Variants in TBC1D2B observed in about 807,000 individuals in gnomAD.
TBC1D2B encodes the protein TBC1 domain family member 2B.
TBC1D2B carries 64 observed loss-of-function variants against 100.8 expected under a neutral mutation model. The observed-to-expected ratio is 0.64, with a 90% CI of 0.52 to 0.78. The LOEUF is 0.78. Ranked by LOEUF, TBC1D2B falls within the 30% of genes least tolerant of loss-of-function variation. The probability of loss-of-function intolerance (pLI) is 0.00; values close to 1 mark genes in which losing one functional copy is unlikely to be tolerated. For missense variants in TBC1D2B, 1,052 were observed against 1,218.4 expected (o/e 0.86, Z 2.03); for synonymous variants, 480 against 479.7 (o/e 1.00, Z -0.01).
At chr15:78,064,374 G>A (rs1430579441) in intron 1 of TBC1D2B, among the ~76,000 whole-genome samples, 3 of 152,114 alleles carry the variant, frequency 2.0e-5, no homozygotes, top group African/African-American at 7.2e-5. Context: ...CAACAATCAC[G>A]AAGGAGCCAC....
chr15:78,068,383 CCACA>C (rs35403620), intron 1 of TBC1D2B, among the ~76,000 whole-genome samples: 6,444 of 143,058 alleles, frequency 0.045, 187 homozygotes, highest in East Asian at 0.18. Flanking sequence ...CACACCACAC[CCACA>C]CACACACACA....
Position 78,073,699 on chromosome 15 carries a change from C to T in TBC1D2B, c.360+3594G>A, listed in dbSNP as rs544571843. The stretch of plus-strand genomic sequence containing the variant: ...CTTAAAACACACGCCTGGCTGGGTG[C>T]GGTGGCTCATATCTGTAACCCCAGC... On this transcript the variant is annotated intron_variant, in intron 1 of 12. Transcript: ENST00000300584. 5.1e-4 allele frequency among the ~76,000 whole-genome samples: 77 copies of T among 152,256 alleles called. 1 individual carries two copies. The highest frequency in any genetic ancestry group is 3.7e-3 in the South Asian group (18 of 4,826).
In TBC1D2B at chr15:77,997,488, G is replaced by C. The variant is rs1034908925; in HGVS notation, c.*672C>G. On this transcript the variant is annotated 3_prime_UTR_variant, in exon 13 of 13. Transcript: ENST00000300584. ...CATGAGAAGTGAGGGTGGGTGTCTG[G>C]GCAGCCAGGCCCTCCCCATGCAGGC... is the stretch of plus-strand genomic sequence containing the variant. The C allele has an allele frequency of 3.8e-4, 58 of 152,430 alleles. No homozygotes were observed. Among genetic ancestry groups the C allele is most frequent in the African/African-American group, 1.3e-3 (55 of 41,590 alleles). 9.4% of individuals were successfully genotyped at this position (152,430 alleles called of 1,614,324 possible).
At chr15:78,044,879 T>C (rs762414727) in intron 3 of TBC1D2B, 21 bp downstream of exon 3, 1 of 1,574,942 alleles carries the variant, frequency 6.3e-7, no homozygotes, top group Non-Finnish European at 8.6e-7. Context: ...CAATTTCATA[T>C]GCTGCTTTCT....
chr15:78,024,992 G>C (rs889144375), intron 5 of TBC1D2B, among the ~76,000 whole-genome samples: 1 of 152,200 alleles, frequency 6.6e-6, no homozygotes, highest in African/African-American at 2.4e-5. Flanking sequence ...GGGCAGGACT[G>C]GGCTGTGGTG....
chr15:78,032,097 A>G lies in TBC1D2B; in HGVS notation c.684-1927T>C, dbSNP rs146967588. 3.0e-3 allele frequency among the ~76,000 whole-genome samples: 460 copies of G among 152,366 alleles called. 2 individuals are homozygous for G. The highest frequency in any genetic ancestry group is 0.011 in the African/African-American group (442 of 41,588). On this transcript the variant is annotated intron_variant, in intron 3 of 12. Transcript: ENST00000300584. ...TCTTAGATGGTATCCCCAAGTCTTC[A>G]ACCGAGTACTGATTGTGGCTTCGAT... is the stretch of plus-strand genomic sequence containing the variant.
In TBC1D2B at chr15:78,034,157, G is replaced by A. The variant is rs139317375; in HGVS notation, c.684-3987C>T. Among the ~76,000 whole-genome samples the A allele has an allele frequency of 7.5e-3, 1,142 of 152,302 alleles. 13 individuals carry two copies. The highest frequency in any genetic ancestry group is 0.012 in the Non-Finnish European group (793 of 68,026). On this transcript the variant is annotated intron_variant, in intron 3 of 12. Coordinates refer to ENST00000300584, the MANE Select transcript of TBC1D2B (RefSeq NM_144572.2). The stretch of plus-strand genomic sequence containing the variant: ...ATCTTCACAGACAACTGCATAGAAG[G>A]ATTCTAGTCAATTCCCCATGGTAAC...
chr15:78,021,930 C>T (rs574474170), intron 6 of TBC1D2B, among the ~76,000 whole-genome samples: 42 of 152,348 alleles, frequency 2.8e-4, no homozygotes, highest in African/African-American at 8.9e-4. Flanking sequence ...ATAACCTCCA[C>T]GCACACCCTG....
chr15:78,003,593 G>C (rs115171466), intron 10 of TBC1D2B, 103 bp from the exon 11 acceptor site: 15,437 of 804,336 alleles, frequency 0.019, 187 homozygotes, highest in Middle Eastern at 0.032. Flanking sequence ...GAGCCCAAGT[G>C]ACAGCAGCAC....
Position 78,025,277 on chromosome 15 carries a change from T to C in TBC1D2B, c.1068A>G (p.Lys356=). 2 of 1,613,652 alleles carry C rather than the reference T, an allele frequency of 1.2e-6. No individual in the cohort carries two copies. Among genetic ancestry groups the C allele is most frequent in the Non-Finnish European group, 1.7e-6 (2 of 1,179,836 alleles). ...SQQEELEQLK[K]DLSSQKELVR... ...AAGTTACCTTCTGACTGGACAGGTC[T>C]TTCTTTAACTGTTCCAGCTCTTCCT... The change falls in exon 5 of 13, where the codon AAA becomes AAG. Residue 356 remains lysine, a synonymous_variant. Transcript: ENST00000300584.
chr15:78,035,765 G>A (rs2072930192), intron 3 of TBC1D2B, among the ~76,000 whole-genome samples: 1 of 152,228 alleles, frequency 6.6e-6, no homozygotes, highest in Non-Finnish European at 1.5e-5. Context: ...TGACAGAAAA[G>A]TAGAAACAAG....
intron 11 of TBC1D2B, 74 bp downstream of exon 11, chr15:78,003,231 G>A (rs2071963989): frequency 1.8e-5 from 25 of 1,419,094 alleles, no homozygotes; most frequent in South Asian, 3.7e-5. Context: ...TGAGCCAGCC[G>A]CTCTACCGCC....
intron 1 of TBC1D2B, among the ~76,000 whole-genome samples, chr15:78,074,331 C>A (rs889116694): frequency 6.6e-6 from 1 of 152,108 alleles, no homozygotes; most frequent in Admixed American, 6.6e-5. Flanking sequence ...CCTTCTCCTC[C>A]CTTCTTCCAG....
intron 1 of TBC1D2B, among the ~76,000 whole-genome samples, chr15:78,073,432 T>A (rs747452694): frequency 5.3e-5 from 8 of 152,174 alleles, no homozygotes; most frequent in Non-Finnish European, 1.2e-4. Context: ...AGAAATGGTA[T>A]TTGTAAAATT....
chr15:78,066,906 A>AT (rs2073667366), intron 1 of TBC1D2B, among the ~76,000 whole-genome samples: 1 of 152,184 alleles, frequency 6.6e-6, no homozygotes, highest in Non-Finnish European at 1.5e-5. Flanking sequence ...GCCTCCTATC[A>AT]AGTCAACCCC....
Position 78,016,634 on chromosome 15 carries a change from C to T in TBC1D2B, c.1687G>A (p.Glu563Lys). 1.9e-6 allele frequency: 3 copies of T among 1,612,812 alleles called. No individual in the cohort carries two copies. The highest frequency in any genetic ancestry group is 2.5e-6 in the Non-Finnish European group (3 of 1,179,366). ...VCSEDQGPTR[E>K]VIAQLLEDAL... ...TCCTCCAGCAACTGGGCTATGACCT[C>T]CCGGGTGGGCCCCTGGTCTTCTGAG... Residue 563 changes from glutamate to lysine, a missense_variant, in exon 8 of 13, where the codon GAG becomes AAG. This residue lies in a region of TBC1D2B where 373 missense variants were observed against 464.9 expected (regional missense o/e 0.80). Coordinates refer to ENST00000300584, the MANE Select transcript of TBC1D2B (RefSeq NM_144572.2).
At chr15:78,032,376 A>G (rs912929802) in intron 3 of TBC1D2B, among the ~76,000 whole-genome samples, 99 of 152,258 alleles carry the variant, frequency 6.5e-4, no homozygotes, top group African/African-American at 2.3e-3. Context: ...CATTTAATAC[A>G]TCCGAGAACA....
At chr15:78,021,311 TTAAA>T (rs1274215060) in intron 6 of TBC1D2B, among the ~76,000 whole-genome samples, 7 of 151,708 alleles carry the variant, frequency 4.6e-5, no homozygotes, top group Non-Finnish European at 1.0e-4. Flanking sequence ...AAAATATACT[TTAAA>T]TAAATATATC....
At chr15:78,030,507 C>A (rs1596317059) in intron 3 of TBC1D2B, among the ~76,000 whole-genome samples, 1 of 152,160 alleles carries the variant, frequency 6.6e-6, no homozygotes, top group African/African-American at 2.4e-5. Flanking sequence ...TGGGGTTTCA[C>A]CATGTTGGCC....
Sources: allele counts gnomAD v4.1 joint callset (sites outside exome capture counted in the v4.1 genomes callset), GRCh38; gene constraint gnomAD v4.1.1; regional missense constraint gnomAD v4.1.1; transcripts MANE v1.5; gene names NCBI Gene and HGNC (gene_info 2026-07-23, HGNC 2026-07-21).